Variants in RABGAP1L observed in about 807,000 individuals in gnomAD.
RABGAP1L encodes the protein RAB GTPase activating protein 1 like.
Under a neutral mutation model 137.7 loss-of-function variants are expected in RABGAP1L, and 63 were observed. The ratio of observed to expected loss-of-function variants is 0.46; its 90% CI spans 0.37 to 0.56. RABGAP1L has a LOEUF of 0.56. Among genes scored for constraint, RABGAP1L ranks in the 20% least tolerant of loss-of-function variants. The probability of loss-of-function intolerance (pLI) is 0.00; values close to 1 mark genes in which losing one functional copy is unlikely to be tolerated. For missense variants in RABGAP1L, 1,095 were observed against 1,244.0 expected (o/e 0.88, Z 1.80); for synonymous variants, 431 against 433.7 (o/e 0.99, Z 0.08).
chr1:174,339,827 G>A (rs1341482700), intron 11 of RABGAP1L, among the ~76,000 whole-genome samples: 1 of 151,874 alleles, frequency 6.6e-6, no homozygotes, highest in East Asian at 1.9e-4. Context: ...TGCTGATCTC[G>A]TACTCCTGAC....
rs149803998 is a variant in RABGAP1L, at chr1:174,872,045, T to A, written c.2340+60085T>A. Among the ~76,000 whole-genome samples the A allele has an allele frequency of 3.9e-3, 588 of 152,338 alleles. 14 individuals carry two copies. Among genetic ancestry groups the A allele is most frequent in the Admixed American group, 0.033 (500 of 15,296 alleles). On this transcript the variant is annotated intron_variant, in intron 19 of 25. Coordinates refer to ENST00000681986, the MANE Select transcript of RABGAP1L (RefSeq NM_001366446.1). ...TAGTCTGGAATCTACCTCACCCTCA[T>A]TCTTTGTGGTGAGTTGCAAATGAGG...
intron 14 of RABGAP1L, among the ~76,000 whole-genome samples, chr1:174,640,073 G>A (rs559482364): frequency 1.3e-5 from 2 of 152,150 alleles, no homozygotes; most frequent in East Asian, 3.9e-4. Context: ...TTAAATAAAA[G>A]CAATAAAAGT....
At chr1:174,417,081 C>G (rs1404070831) in intron 13 of RABGAP1L, among the ~76,000 whole-genome samples, 2 of 152,074 alleles carry the variant, frequency 1.3e-5, no homozygotes, top group African/African-American at 4.8e-5. Flanking sequence ...GCATTACTTT[C>G]AATGGCAAAA....
chr1:174,262,515 CTA>C (rs1227771687), intron 7 of RABGAP1L, among the ~76,000 whole-genome samples: 1 of 152,112 alleles, frequency 6.6e-6, no homozygotes, highest in Non-Finnish European at 1.5e-5. Context: ...TAGAGATGCT[CTA>C]TGTGTGCTTC....
In RABGAP1L at chr1:174,221,093, C is replaced by G. The variant is rs767977974; in HGVS notation, c.260C>G (p.Ser87Trp). ...AGTTCCAGTGAGATTTCAGACCATT[C>G]GTTTGGAGATATTCCAGCCAGCCAA... ...CQSSSEISDH[S>W]FGDIPASQTN... The change falls in exon 3 of 26, where the codon TCG becomes TGG. Residue 87 changes from serine to tryptophan, a missense_variant. Physicochemically the swap from Ser to Trp is radical, Grantham distance 177. Transcript: ENST00000681986. 6.2e-7 allele frequency: 1 copy of G among 1,613,700 alleles called. No homozygotes were observed. The highest frequency in any genetic ancestry group is 1.7e-5 in the Admixed American group (1 of 59,968).
At chr1:174,929,748 T>C (rs1280888053) in intron 19 of RABGAP1L, among the ~76,000 whole-genome samples, 1 of 102,106 alleles carries the variant, frequency 9.8e-6, no homozygotes, top group East Asian at 2.4e-4. Context: ...ACACTGTCTC[T>C]ACAAAAAATA....
intron 13 of RABGAP1L, among the ~76,000 whole-genome samples, chr1:174,425,901 T>C (rs1651893144): frequency 6.6e-6 from 1 of 152,068 alleles, no homozygotes; most frequent in African/African-American, 2.4e-5. Flanking sequence ...CAAATGTTAG[T>C]TGTAACTGCC....
intron 14 of RABGAP1L, among the ~76,000 whole-genome samples, chr1:174,667,094 G>T (rs1161030788): frequency 1.3e-5 from 2 of 151,784 alleles, no homozygotes; most frequent in Non-Finnish European, 2.9e-5. Flanking sequence ...AACTCTCTGT[G>T]TTTCCTAAGT....
intron 13 of RABGAP1L, among the ~76,000 whole-genome samples, chr1:174,418,243 T>A (rs910544464): frequency 6.6e-6 from 1 of 152,238 alleles, no homozygotes; most frequent in Non-Finnish European, 1.5e-5. Context: ...TGAATTACCT[T>A]CTTTCCTAAG....
intron 21 of RABGAP1L, among the ~76,000 whole-genome samples, chr1:174,974,760 T>C (rs887378743): frequency 2.0e-5 from 3 of 152,196 alleles, no homozygotes; most frequent in African/African-American, 7.2e-5. Flanking sequence ...GCAGCTGGAA[T>C]GCAGTTTCTC....
At chr1:174,732,617 G>C (rs1174291252) in intron 17 of RABGAP1L, among the ~76,000 whole-genome samples, 2 of 152,148 alleles carry the variant, frequency 1.3e-5, no homozygotes, top group Non-Finnish European at 2.9e-5. Flanking sequence ...TCAACCAAGT[G>C]TTCTCTACTC....
intron 10 of RABGAP1L, among the ~76,000 whole-genome samples, chr1:174,297,489 C>T (rs1425285564): frequency 1.3e-5 from 2 of 152,216 alleles, no homozygotes; most frequent in African/African-American, 2.4e-5. Context: ...TCGAGTTCCA[C>T]TCCAATGAGC....
At chr1:174,912,732 T>C (rs1250522290) in intron 19 of RABGAP1L, among the ~76,000 whole-genome samples, 1 of 152,200 alleles carries the variant, frequency 6.6e-6, no homozygotes, top group East Asian at 1.9e-4. Context: ...AGTCATATGT[T>C]TTTAAACTTT....
intron 19 of RABGAP1L, among the ~76,000 whole-genome samples, chr1:174,913,795 G>A (rs1395616373): frequency 6.6e-6 from 1 of 152,192 alleles, no homozygotes; most frequent in African/African-American, 2.4e-5. Flanking sequence ...ACTTAGTGCT[G>A]TGTTAATGCC....
chr1:174,823,398 A>C (rs1422126539), intron 19 of RABGAP1L, among the ~76,000 whole-genome samples: 2 of 152,194 alleles, frequency 1.3e-5, no homozygotes, highest in South Asian at 4.1e-4. Context: ...GTGATTCTAC[A>C]TTTCTTTGAA....
intron 13 of RABGAP1L, among the ~76,000 whole-genome samples, chr1:174,520,262 G>C (rs1663247857): frequency 6.6e-6 from 1 of 152,188 alleles, no homozygotes; most frequent in African/African-American, 2.4e-5. Flanking sequence ...GCAATTCCAA[G>C]TATTGACTAG....
intron 19 of RABGAP1L, among the ~76,000 whole-genome samples, chr1:174,818,237 A>G (rs1042946204): frequency 6.6e-6 from 1 of 152,202 alleles, no homozygotes; most frequent in East Asian, 1.9e-4. Context: ...AATACAGATG[A>G]GGGAATAGAA....
At chr1:174,436,540 A>G (rs1653332444) in intron 13 of RABGAP1L, among the ~76,000 whole-genome samples, 1 of 152,028 alleles carries the variant, frequency 6.6e-6, no homozygotes, top group Admixed American at 6.5e-5. Flanking sequence ...AGTTCATTGT[A>G]GATTCTAGAT....
chr1:174,556,108 C>T (rs1666867684), intron 13 of RABGAP1L, among the ~76,000 whole-genome samples: 1 of 150,956 alleles, frequency 6.6e-6, no homozygotes, highest in East Asian at 1.9e-4. Flanking sequence ...AGCGATTCTC[C>T]TGCCTCAGCC....
Sources: gnomAD v4.1 joint callset for allele counts (sites outside exome capture counted in the v4.1 genomes callset) on GRCh38, gnomAD v4.1.1 for gene constraint, MANE v1.5 for transcripts, NCBI Gene and HGNC (gene_info 2026-07-23, HGNC 2026-07-21) for gene names.